The following RYK variants were observed in gnomAD, a reference collection of about 807,000 sequenced individuals.
RYK encodes receptor like tyrosine kinase, also known as inactive tyrosine-protein kinase RYK.
A neutral mutation model predicts 70.2 loss-of-function variants in RYK; 21 were observed. That is an observed-to-expected ratio of 0.30 (90% CI 0.21 to 0.43). RYK has a LOEUF of 0.43. RYK is among the 20% of genes least tolerant of loss of function. The probability of loss-of-function intolerance (pLI) is 1.00; values close to 1 mark genes in which losing one functional copy is unlikely to be tolerated. For synonymous variants in RYK, 267 were observed against 278.0 expected (o/e 0.96, Z 0.39); for missense variants, 604 against 753.3 (o/e 0.80, Z 2.32).
chr3:134,176,125 C>G, intron 11 of RYK, 86 bp from the exon 12 acceptor site: 3 of 807,126 alleles, frequency 3.7e-6, no homozygotes, highest in Non-Finnish European at 6.2e-6. Flanking sequence ...CAATCCTACT[C>G]CATCCAAAAA....
chr3:134,225,341 G>A (rs2014876585), intron 1 of RYK, among the ~76,000 whole-genome samples: 1 of 152,048 alleles, frequency 6.6e-6, no homozygotes, highest in South Asian at 2.1e-4. Context: ...GTACTGACAT[G>A]AGACAAACTA....
At chr3:134,248,021 TGTACACATCTCA>T (rs569844895) in intron 1 of RYK, among the ~76,000 whole-genome samples, 256 of 152,282 alleles carry the variant, frequency 1.7e-3, no homozygotes, top group African/African-American at 5.5e-3. Flanking sequence ...CGGAGTGCCT[TGTACACATCTCA>T]GTACACATCT....
chr3:134,214,239 C>A (rs1050969908), intron 2 of RYK, among the ~76,000 whole-genome samples: 1 of 152,190 alleles, frequency 6.6e-6, no homozygotes, highest in Non-Finnish European at 1.5e-5. Flanking sequence ...AATATCCTGA[C>A]ACGCTAAAGA....
chr3:134,207,581 T>G lies in RYK; in HGVS notation c.590-56A>C, dbSNP rs992555402. 10 of 1,138,278 alleles carry G rather than the reference T, an allele frequency of 8.8e-6. No individual in the cohort carries two copies. The Admixed American group carries it at 2.3e-4, about 26-fold the overall frequency. The allele number at this position is 1,138,278 out of a possible 1,614,324, so 70.5% of individuals were successfully genotyped here. ...GAAATTCTCTTTTCCATGAAAATCC[T>G]TAATTACTATAATTATCAGAACATT... On this transcript the variant is annotated intron_variant, in intron 4 of 14. Coordinates refer to ENST00000623711, the MANE Select transcript of RYK (RefSeq NM_002958.4).
Position 134,184,343 on chromosome 3 carries a change from A to G in RYK, c.1103-1272T>C, listed in dbSNP as rs139842657. Among the ~76,000 whole-genome samples, 413 of 152,344 alleles carry G rather than the reference A, an allele frequency of 2.7e-3. 5 individuals carry two copies. Among genetic ancestry groups the G allele is most frequent in the African/African-American group, 9.4e-3 (391 of 41,584 alleles). On this transcript the variant is annotated intron_variant, in intron 9 of 14. Coordinates refer to ENST00000623711, the MANE Select transcript of RYK (RefSeq NM_002958.4). The stretch of plus-strand genomic sequence containing the variant: ...CCAATATCTTTAAGTCTACATCTCC[A>G]AAGGAATTTTTAAGCCTTCAAATAT...
chr3:134,173,007 C>A (rs1018899963), intron 13 of RYK, among the ~76,000 whole-genome samples: 1 of 152,206 alleles, frequency 6.6e-6, no homozygotes, highest in African/African-American at 2.4e-5. Flanking sequence ...TTCTCATAAT[C>A]ATTCATATTT....
At chr3:134,180,747 T>C (rs959877736) in intron 10 of RYK, 1 of 152,208 alleles carries the variant, frequency 6.6e-6, no homozygotes, top group Non-Finnish European at 1.5e-5. Flanking sequence ...AATAATATAC[T>C]TTCTACATGC....
chr3:134,204,625 A>ACACACG (rs1553771757), intron 5 of RYK, among the ~76,000 whole-genome samples: 1 of 149,770 alleles, frequency 6.7e-6, no homozygotes, highest in African/African-American at 2.5e-5. Context: ...ACACACACAC[A>ACACACG]CACGCAGAAG....
At chr3:134,187,984 C>T (rs1350181971) in intron 9 of RYK, among the ~76,000 whole-genome samples, 5 of 151,886 alleles carry the variant, frequency 3.3e-5, no homozygotes, top group Non-Finnish European at 7.4e-5. Flanking sequence ...ATAAATAACA[C>T]TGTAGTATCT....
intron 2 of RYK, among the ~76,000 whole-genome samples, chr3:134,221,116 A>T (rs1363987898): frequency 2.6e-5 from 4 of 151,670 alleles, no homozygotes; most frequent in Non-Finnish European, 5.9e-5. Context: ...AAGGGAAAAA[A>T]GGGGACTTTG....
intron 1 of RYK, among the ~76,000 whole-genome samples, chr3:134,231,248 T>C (rs4295144): frequency 0.085 from 12,826 of 150,726 alleles, 1,134 homozygotes; most frequent in South Asian, 0.33. Context: ...ATACATGCAG[T>C]CATTTGATAA....
Position 134,209,828 on chromosome 3 carries a change from C to T in RYK, c.456G>A (p.Val152=), listed in dbSNP as rs1221873526. Residue 152 remains valine, a splice_region_variant and synonymous_variant, in exon 4 of 15, where the codon GTG becomes GTA. Transcript: ENST00000623711. ...CAGTACAGGAAAGCTCTACCCGAAA[C>T]ACTGTTTAAAAAAGATAAGAAAAAT... is the stretch of plus-strand genomic sequence containing the variant. ...VQGEVPRTLS[V]FRVELSCTGK... The T allele has an allele frequency of 1.4e-6, 2 of 1,477,174 alleles. No individual in the cohort carries two copies. The highest frequency in any genetic ancestry group is 1.5e-5 in the African/African-American group (1 of 68,220). 91.5% of individuals were successfully genotyped at this position (1,477,174 alleles called of 1,614,324 possible).
intron 4 of RYK, 110 bp from the exon 5 acceptor site, chr3:134,207,635 C>CT: frequency 7.7e-6 from 5 of 653,526 alleles, no homozygotes; most frequent in Non-Finnish European, 1.3e-5. Context: ...GTATGTGTTG[C>CT]GAGATAATGA....
At chr3:134,192,770 G>C (rs2013686186) in intron 7 of RYK, among the ~76,000 whole-genome samples, 1 of 152,132 alleles carries the variant, frequency 6.6e-6, no homozygotes, top group South Asian at 2.1e-4. Flanking sequence ...ATCATCAATG[G>C]TTGCCAGGAG....
chr3:134,200,712 T>TAGCC (rs1347562313), intron 6 of RYK, among the ~76,000 whole-genome samples: 1 of 152,218 alleles, frequency 6.6e-6, no homozygotes, highest in Non-Finnish European at 1.5e-5. Flanking sequence ...GAGACACACA[T>TAGCC]AGGCTATATA....
At chr3:134,230,993 C>T (rs572250166) in intron 1 of RYK, among the ~76,000 whole-genome samples, 1 of 152,080 alleles carries the variant, frequency 6.6e-6, no homozygotes, top group East Asian at 1.9e-4. Context: ...CATATTTAAA[C>T]TTCAAAACAC....
At chr3:134,196,996 C>A (rs1279686871) in intron 6 of RYK, among the ~76,000 whole-genome samples, 2 of 152,114 alleles carry the variant, frequency 1.3e-5, no homozygotes, top group African/African-American at 2.4e-5. Flanking sequence ...TAGATTGGTG[C>A]AAAAGTAATT....
intron 10 of RYK, among the ~76,000 whole-genome samples, chr3:134,182,191 G>C (rs753034440): frequency 2.6e-5 from 4 of 151,644 alleles, no homozygotes; most frequent in African/African-American, 7.3e-5. Flanking sequence ...AGAACTATAA[G>C]TAGTTTTTAA....
chr3:134,185,164 A>T (rs1304514406), intron 9 of RYK, among the ~76,000 whole-genome samples: 1 of 152,072 alleles, frequency 6.6e-6, no homozygotes, highest in Non-Finnish European at 1.5e-5. Context: ...ATAATAATTT[A>T]TAAAGCTTCG....
Sources: allele counts gnomAD v4.1 joint callset (sites outside exome capture counted in the v4.1 genomes callset), GRCh38; gene constraint gnomAD v4.1.1; transcripts MANE v1.5; gene names NCBI Gene and HGNC (gene_info 2026-07-23, HGNC 2026-07-21).